Variants in PCDH7 observed in about 807,000 individuals in gnomAD.
PCDH7 encodes protocadherin 7.
A neutral mutation model predicts 58.9 loss-of-function variants in PCDH7; 17 were observed. That is an observed-to-expected ratio of 0.29 (90% CI 0.20 to 0.43). PCDH7 has a LOEUF of 0.43. PCDH7 is among the 20% of genes least tolerant of loss of function. PCDH7 has a pLI of 1.00. For missense variants in PCDH7, 1,274 were observed against 1,441.0 expected, an observed-to-expected ratio of 0.88 and a Z score of 1.88; for synonymous variants, 664 against 616.4, an observed-to-expected ratio of 1.08 and a Z score of -1.14.
chr4:30,920,939 T>A (rs544677720), intron 2 of PCDH7, among the ~76,000 whole-genome samples: 2 of 142,964 alleles, frequency 1.4e-5, no homozygotes, highest in South Asian at 2.1e-4. Context: ...AAGTATAAGG[T>A]TTTTTTTTAT....
chr4:31,079,279 AG>A (rs1759268204), intron 3 of PCDH7, among the ~76,000 whole-genome samples: 1 of 131,278 alleles, frequency 7.6e-6, no homozygotes, highest in African/African-American at 2.9e-5. Flanking sequence ...AAAATGCCAC[AG>A]TGTGTAAAAG....
intron 1 of PCDH7, chr4:30,730,603 A>G: frequency 1.9e-6 from 1 of 529,362 alleles, no homozygotes; most frequent in East Asian, 3.4e-5. Context: ...CCCCAAGTGT[A>G]TTTATTATTT....
chr4:30,748,700 A>G (rs945861328), intron 1 of PCDH7, among the ~76,000 whole-genome samples: 4 of 152,210 alleles, frequency 2.6e-5, no homozygotes, highest in Admixed American at 1.3e-4. Flanking sequence ...TAGCAGTACC[A>G]TCTGAACACT....
chr4:30,841,975 G>A (rs1432429184), intron 1 of PCDH7, among the ~76,000 whole-genome samples: 1 of 151,942 alleles, frequency 6.6e-6, no homozygotes, highest in Non-Finnish European at 1.5e-5. Flanking sequence ...TATTTTTTTA[G>A]GAATGTTGAG....
At chr4:30,882,371 T>C (rs937228245) in intron 1 of PCDH7, among the ~76,000 whole-genome samples, 1 of 152,038 alleles carries the variant, frequency 6.6e-6, no homozygotes, top group African/African-American at 2.4e-5. Flanking sequence ...AAAGCAGTTC[T>C]ACCCCAGCCT....
chr4:30,786,763 A>G (rs1723449101), intron 1 of PCDH7: 26 of 983,274 alleles, frequency 2.6e-5, no homozygotes, highest in Non-Finnish European at 3.0e-5. Flanking sequence ...CTCTGGCCAC[A>G]TTGAGGAATC....
At chr4:30,998,642 C>A (rs35856223) in intron 3 of PCDH7, among the ~76,000 whole-genome samples, 7,334 of 152,094 alleles carry the variant, frequency 0.048, 390 homozygotes, top group East Asian at 0.29. Flanking sequence ...TTTCACAAGT[C>A]CTCACGTGAA....
At chr4:30,929,084 G>A (rs762616201) in intron 2 of PCDH7, among the ~76,000 whole-genome samples, 1 of 151,928 alleles carries the variant, frequency 6.6e-6, no homozygotes, top group African/African-American at 2.4e-5. Flanking sequence ...TGTAAATAAG[G>A]CCTTTCAAAC....
At chr4:30,914,700 T>G (rs1454107325) in intron 1 of PCDH7, among the ~76,000 whole-genome samples, 1 of 152,188 alleles carries the variant, frequency 6.6e-6, no homozygotes, top group Non-Finnish European at 1.5e-5. Flanking sequence ...TGGCCTGAGG[T>G]ATACTACCGT....
chr4:31,142,902 G>A, exon 4 of PCDH7: 2 of 1,269,992 alleles, frequency 1.6e-6, no homozygotes, highest in Non-Finnish European at 2.1e-6. Flanking sequence ...GGAGAATAAG[G>A]GGCAAAAACC....
intron 1 of PCDH7, among the ~76,000 whole-genome samples, chr4:30,919,627 T>C (rs1214665775): frequency 1.3e-5 from 2 of 152,178 alleles, no homozygotes. Context: ...AACATATTTG[T>C]GTTTCCTAGC....
chr4:30,808,532 T>C (rs1002768213), intron 1 of PCDH7, among the ~76,000 whole-genome samples: 1 of 152,160 alleles, frequency 6.6e-6, no homozygotes, highest in African/African-American at 2.4e-5. Context: ...TTTTTAATGA[T>C]ATTTCTAAGT....
intron 3 of PCDH7, among the ~76,000 whole-genome samples, chr4:31,048,773 A>T (rs796916511): frequency 2.6e-5 from 4 of 152,220 alleles, no homozygotes; most frequent in African/African-American, 9.6e-5. Context: ...TGCTATTGCC[A>T]CTCAGCAAAG....
At chr4:30,924,812 C>T (rs1009155478) in intron 2 of PCDH7, among the ~76,000 whole-genome samples, 7 of 82,648 alleles carry the variant, frequency 8.5e-5, no homozygotes, top group African/African-American at 3.2e-4. Flanking sequence ...GGTCAGAGTA[C>T]AAATGAAAAA....
intron 1 of PCDH7, among the ~76,000 whole-genome samples, chr4:30,901,818 G>A (rs945000413): frequency 3.3e-5 from 5 of 152,024 alleles, no homozygotes; most frequent in East Asian, 1.9e-4. Flanking sequence ...AAGTTCTACC[G>A]ACCTTTACTT....
chr4:30,768,840 T>A (rs1229421391), intron 1 of PCDH7, among the ~76,000 whole-genome samples: 2 of 152,228 alleles, frequency 1.3e-5, no homozygotes, highest in Non-Finnish European at 2.9e-5. Flanking sequence ...TGATGCTATT[T>A]GTAGTGAAAA....
chr4:30,836,374 G>C (rs939197746), intron 1 of PCDH7, among the ~76,000 whole-genome samples: 11 of 152,152 alleles, frequency 7.2e-5, no homozygotes, highest in African/African-American at 2.7e-4. Context: ...AGGAGGAAGT[G>C]ACCATATGAA....
intron 3 of PCDH7, among the ~76,000 whole-genome samples, chr4:31,077,424 A>C (rs1007363214): frequency 6.6e-6 from 1 of 151,094 alleles, no homozygotes; most frequent in Non-Finnish European, 1.5e-5. Context: ...AAAAAAAAAA[A>C]GAAAAAGAAA....
At chr4:30,846,632 C>T (rs1731999818) in intron 1 of PCDH7, among the ~76,000 whole-genome samples, 1 of 152,188 alleles carries the variant, frequency 6.6e-6, no homozygotes, top group South Asian at 2.1e-4. Context: ...TATTAGGTTC[C>T]AATAGTGCCA....
Sources: allele counts gnomAD v4.1 joint callset (sites outside exome capture counted in the v4.1 genomes callset), GRCh38; gene constraint gnomAD v4.1.1; transcripts MANE v1.5; gene names NCBI Gene and HGNC (gene_info 2026-07-23, HGNC 2026-07-21).